Variants in THSD7A observed in about 807,000 individuals in gnomAD.
THSD7A encodes the protein thrombospondin type 1 domain containing 7A.
THSD7A carries 96 observed loss-of-function variants against 231.3 expected under a neutral mutation model. That is an observed-to-expected ratio of 0.41 (90% confidence interval 0.35 to 0.49). The LOEUF is 0.49. Ranked by LOEUF, THSD7A falls within the 20% of genes least tolerant of loss-of-function variation. The probability of loss-of-function intolerance (pLI) is 0.05; values close to 1 mark genes in which losing one functional copy is unlikely to be tolerated. For missense variants in THSD7A, 2,290 were observed against 2,070.2 expected (o/e 1.11, Z -2.06); for synonymous variants, 940 against 743.3 (o/e 1.26, Z -4.30).
intron 6 of THSD7A, among the ~76,000 whole-genome samples, chr7:11,494,992 G>T (rs1787041548): frequency 6.6e-6 from 1 of 152,028 alleles, no homozygotes. Flanking sequence ...GTATGAAGAA[G>T]ACTTTTCATA....
At chr7:11,812,584 A>C (rs1223557338) in intron 1 of THSD7A, among the ~76,000 whole-genome samples, 3 of 152,196 alleles carry the variant, frequency 2.0e-5, no homozygotes. Context: ...TTTTCAAAAC[A>C]CGTCTGTAAT....
chr7:11,705,081 T>A (rs1013111478), intron 1 of THSD7A, among the ~76,000 whole-genome samples: 1 of 151,020 alleles, frequency 6.6e-6, no homozygotes, highest in African/African-American at 2.4e-5. Flanking sequence ...ATTACTTATA[T>A]AGAGAGAGGA....
chr7:11,435,914 G>A (rs1311928893), intron 13 of THSD7A, among the ~76,000 whole-genome samples: 2 of 151,974 alleles, frequency 1.3e-5, no homozygotes, highest in Non-Finnish European at 2.9e-5. Context: ...CCCTTAACCT[G>A]TGAAGTTTGG....
chr7:11,467,534 A>G (rs191759403), intron 9 of THSD7A, among the ~76,000 whole-genome samples: 33 of 152,284 alleles, frequency 2.2e-4, no homozygotes, highest in African/African-American at 7.5e-4. Flanking sequence ...TACTGACTCA[A>G]TTAAGACCTA....
At chr7:11,531,155 G>A (rs1418261239) in intron 6 of THSD7A, among the ~76,000 whole-genome samples, 1 of 152,140 alleles carries the variant, frequency 6.6e-6, no homozygotes, top group African/African-American at 2.4e-5. Flanking sequence ...TCCACTTGCT[G>A]CTCTAGTTTT....
chr7:11,376,256 C>G (rs1461960128), intron 27 of THSD7A, among the ~76,000 whole-genome samples: 1 of 152,042 alleles, frequency 6.6e-6, no homozygotes, highest in Non-Finnish European at 1.5e-5. Flanking sequence ...TTAGGTATTA[C>G]TGTAATATCT....
chr7:11,468,836 AAAAAT>A (rs1344064375), intron 9 of THSD7A, among the ~76,000 whole-genome samples: 2 of 152,122 alleles, frequency 1.3e-5, no homozygotes, highest in African/African-American at 4.8e-5. Flanking sequence ...ACTCTATCTT[AAAAAT>A]AAAATAAAAT....
chr7:11,634,203 C>T lies in THSD7A; in HGVS notation c.1022+1927G>A, dbSNP rs1369214068. ...ACTGTAATAAGTCAGAAAATATATG[C>T]AACTATCAATTTATTGGAAGTTATA... On this transcript the variant is annotated intron_variant, in intron 2 of 27. Transcript: ENST00000423059. The surrounding 1 kb of genome is among the most constrained non-coding windows in gnomAD (Gnocchi z 4.1). Among the ~76,000 whole-genome samples, 2 of 152,106 alleles carry T rather than the reference C, an allele frequency of 1.3e-5. No individual in the cohort carries two copies. Among genetic ancestry groups the T allele is most frequent in the South Asian group, 2.1e-4 (1 of 4,830 alleles).
intron 7 of THSD7A, among the ~76,000 whole-genome samples, chr7:11,478,013 T>G (rs999710232): frequency 6.6e-6 from 1 of 152,134 alleles, no homozygotes; most frequent in Non-Finnish European, 1.5e-5. Flanking sequence ...TACCACAGAG[T>G]GTACTAGTTT....
chr7:11,481,435 C>A (rs141517693), intron 7 of THSD7A, among the ~76,000 whole-genome samples: 103 of 152,184 alleles, frequency 6.8e-4, no homozygotes, highest in African/African-American at 2.3e-3. Flanking sequence ...ATAAAACTGA[C>A]TTCTGAAATT....
At chr7:11,501,867 T>A (rs1161092668) in intron 6 of THSD7A, among the ~76,000 whole-genome samples, 1 of 151,872 alleles carries the variant, frequency 6.6e-6, no homozygotes, top group Non-Finnish European at 1.5e-5. Flanking sequence ...AAAAAAGTAA[T>A]AAAATAGTTT....
chr7:11,568,648 AAAAAAACC>A (rs1461494575), intron 4 of THSD7A, among the ~76,000 whole-genome samples: 15 of 145,552 alleles, frequency 1.0e-4, no homozygotes, highest in Non-Finnish European at 2.0e-4. Flanking sequence ...AAAAAAAAAA[AAAAAAACC>A]AAAATCTGGA....
rs1526547 is a variant in THSD7A, at chr7:11,693,157, T to C, written c.191-56196A>G. On this transcript the variant is annotated intron_variant, in intron 1 of 27. Coordinates refer to ENST00000423059, the MANE Select transcript of THSD7A (RefSeq NM_015204.3). Reference sequence around the variant, plus strand: ...GAAACACCTTAAAGAGAATTTAAAGTAGGAAAAAAATAGTAGAATTGCATT... The same window carrying C: ...GAAACACCTTAAAGAGAATTTAAAGCAGGAAAAAAATAGTAGAATTGCATT... 1.8e-3 allele frequency among the ~76,000 whole-genome samples: 272 copies of C among 151,614 alleles called. 1 individual carries two copies. Among genetic ancestry groups the C allele is most frequent in the African/African-American group, 6.3e-3 (263 of 41,468 alleles).
At chr7:11,550,975 C>G (rs1205634843) in intron 4 of THSD7A, among the ~76,000 whole-genome samples, 1 of 152,078 alleles carries the variant, frequency 6.6e-6, no homozygotes, top group Non-Finnish European at 1.5e-5. Context: ...ACCAAAACAG[C>G]ACGGTACTGA....
At chr7:11,520,897 T>C (rs929736324) in intron 6 of THSD7A, among the ~76,000 whole-genome samples, 1 of 152,114 alleles carries the variant, frequency 6.6e-6, no homozygotes, top group African/African-American at 2.4e-5. Flanking sequence ...TCAGAGGTGG[T>C]GAAATCAATT....
chr7:11,660,938 A>C (rs1419287019), intron 1 of THSD7A, among the ~76,000 whole-genome samples: 2 of 151,506 alleles, frequency 1.3e-5, no homozygotes, highest in African/African-American at 4.8e-5. Context: ...CGAAGAGCCA[A>C]GATCTCGGAC....
At chr7:11,739,491 T>G (rs1782031921) in intron 1 of THSD7A, among the ~76,000 whole-genome samples, 1 of 152,024 alleles carries the variant, frequency 6.6e-6, no homozygotes, top group Non-Finnish European at 1.5e-5. Flanking sequence ...AGAATATATT[T>G]AAATTAATTA....
intron 1 of THSD7A, among the ~76,000 whole-genome samples, chr7:11,788,404 A>G (rs1186872457): frequency 6.6e-6 from 1 of 151,926 alleles, no homozygotes; most frequent in Non-Finnish European, 1.5e-5. Flanking sequence ...CCAGGTTTAT[A>G]TTTCTGAGGT....
At position 11,492,388 on chromosome 7, in the gene THSD7A, T is replaced by C. The variant is rs1350160177; in HGVS notation, c.1823-10406A>G. 1.3e-5 allele frequency among the ~76,000 whole-genome samples: 2 copies of C among 152,042 alleles called. 1 individual carries two copies. The highest frequency in any genetic ancestry group is 2.9e-5 in the Non-Finnish European group (2 of 67,974). The stretch of plus-strand genomic sequence containing the variant: ...GTTATACCACATATTCCACAGACAG[T>C]TATTACAAGATCACAGTGTGCAAAC... On this transcript the variant is annotated intron_variant, in intron 6 of 27. Transcript: ENST00000423059.
Sources: allele counts gnomAD v4.1 joint callset (sites outside exome capture counted in the v4.1 genomes callset), GRCh38; gene constraint gnomAD v4.1.1; non-coding constraint Gnocchi (gnomAD v3.1); transcripts MANE v1.5; gene names NCBI Gene and HGNC (gene_info 2026-07-23, HGNC 2026-07-21).